Variants in MBD5 observed in about 807,000 individuals in gnomAD.
MBD5 encodes the protein methyl-CpG-binding domain protein 5.
A neutral mutation model predicts 117.3 loss-of-function variants in MBD5; 13 were observed. The observed-to-expected ratio is 0.11, with a 90% CI of 0.07 to 0.18. The LOEUF is 0.18. MBD5 is among the 10% of genes least tolerant of loss of function. The pLI is 1.00. For missense variants in MBD5, 1,879 were observed against 2,093.8 expected (o/e 0.90, Z 2.00); for synonymous variants, 727 against 766.4 (o/e 0.95, Z 0.85).
intron 4 of MBD5, among the ~76,000 whole-genome samples, chr2:148,457,811 A>G (rs576816093): frequency 7.3e-4 from 111 of 152,318 alleles, no homozygotes; most frequent in African/African-American, 2.7e-3. Flanking sequence ...GTTATATAAT[A>G]TTAAGGACTT....
chr2:148,415,698 T>C (rs1389605971), intron 4 of MBD5, among the ~76,000 whole-genome samples: 6 of 152,210 alleles, frequency 3.9e-5, no homozygotes, highest in Admixed American at 6.5e-5. Context: ...GACTGAGTTA[T>C]TTCGCAGAAC....
intron 13 of MBD5, among the ~76,000 whole-genome samples, chr2:148,511,102 G>A (rs1682200541): frequency 6.6e-6 from 1 of 152,148 alleles, no homozygotes; most frequent in Admixed American, 6.6e-5. Context: ...CCACACCAGG[G>A]CACAGATTCT....
At chr2:148,186,666 A>G (rs1698667430) in intron 2 of MBD5, among the ~76,000 whole-genome samples, 1 of 152,226 alleles carries the variant, frequency 6.6e-6, no homozygotes. Flanking sequence ...TTTTCCTTAT[A>G]GTTTTTAACC....
intron 7 of MBD5, among the ~76,000 whole-genome samples, chr2:148,466,579 G>A (rs1707266755): frequency 6.6e-6 from 1 of 152,096 alleles, no homozygotes; most frequent in Non-Finnish European, 1.5e-5. Flanking sequence ...TGACGTTAAT[G>A]TTCTCACTAT....
chr2:148,396,008 G>T (rs1416875591), intron 4 of MBD5, among the ~76,000 whole-genome samples: 1 of 151,980 alleles, frequency 6.6e-6, no homozygotes, highest in Non-Finnish European at 1.5e-5. Context: ...TTTTGATGTT[G>T]TTTTTTTCTA....
chr2:148,307,709 G>A (rs999910295), intron 3 of MBD5, among the ~76,000 whole-genome samples: 1 of 152,060 alleles, frequency 6.6e-6, no homozygotes, highest in South Asian at 2.1e-4. Flanking sequence ...TATTATATAG[G>A]TATACACATG....
chr2:148,154,618 G>A (rs1278034692), intron 1 of MBD5, among the ~76,000 whole-genome samples: 8 of 152,200 alleles, frequency 5.3e-5, no homozygotes, highest in East Asian at 3.9e-4. Flanking sequence ...AGCCAGGTGC[G>A]GGATATAATC....
intron 3 of MBD5, among the ~76,000 whole-genome samples, chr2:148,276,345 T>C (rs981518588): frequency 6.6e-6 from 1 of 152,112 alleles, no homozygotes; most frequent in Non-Finnish European, 1.5e-5. Flanking sequence ...AATAGAACTT[T>C]ATTTAGAAAA....
chr2:148,455,020 C>T (rs891682874), intron 4 of MBD5, among the ~76,000 whole-genome samples: 1 of 152,026 alleles, frequency 6.6e-6, no homozygotes, highest in African/African-American at 2.4e-5. Context: ...TGTATCCTCG[C>T]CTATTTCTTT....
chr2:148,293,097 T>G (rs896097504), intron 3 of MBD5, among the ~76,000 whole-genome samples: 1 of 148,126 alleles, frequency 6.8e-6, no homozygotes, highest in South Asian at 2.1e-4. Context: ...GTGGATCACT[T>G]GAGCCCAGGA....
At chr2:148,173,781 A>C (rs1698319577) in intron 1 of MBD5, among the ~76,000 whole-genome samples, 1 of 152,238 alleles carries the variant, frequency 6.6e-6, no homozygotes, top group African/African-American at 2.4e-5. Context: ...TGATGAAAGA[A>C]ATTGAAGAAG....
At chr2:148,257,074 G>C (rs1700609013) in intron 3 of MBD5, among the ~76,000 whole-genome samples, 3 of 152,198 alleles carry the variant, frequency 2.0e-5, no homozygotes, top group Admixed American at 6.5e-5. Flanking sequence ...GCTGCTAGCT[G>C]TTTCTCTATC....
intron 4 of MBD5, among the ~76,000 whole-genome samples, chr2:148,388,162 C>T (rs1221727991): frequency 6.6e-6 from 1 of 152,034 alleles, no homozygotes; most frequent in Non-Finnish European, 1.5e-5. Flanking sequence ...TTGTGATTAC[C>T]TAAATATGTG....
intron 2 of MBD5, among the ~76,000 whole-genome samples, chr2:148,189,451 G>T (rs1698774559): frequency 6.9e-6 from 1 of 144,828 alleles, no homozygotes; most frequent in African/African-American, 2.6e-5. Flanking sequence ...CCTGACCCGT[G>T]ACCCCCGAGC....
chr2:148,218,920 CT>C (rs1246838626), intron 2 of MBD5, among the ~76,000 whole-genome samples: 4 of 152,234 alleles, frequency 2.6e-5, no homozygotes, highest in East Asian at 3.9e-4. Context: ...CTAATGTAGA[CT>C]TTATAAATAA....
At chr2:148,051,604 AGTGTGTGTGTGT>A (rs59584574) in intron 1 of MBD5, among the ~76,000 whole-genome samples, 3,749 of 139,216 alleles carry the variant, frequency 0.027, 102 homozygotes, top group African/African-American at 0.065. Flanking sequence ...CTGTTTGTTG[AGTGTGTGTGTGT>A]GTGTGTGTGT....
At chr2:148,258,077 A>G (rs1700632440) in intron 3 of MBD5, among the ~76,000 whole-genome samples, 1 of 152,068 alleles carries the variant, frequency 6.6e-6, no homozygotes, top group South Asian at 2.1e-4. Flanking sequence ...TTATCTCTGT[A>G]TGTCCATCTG....
intron 12 of MBD5, among the ~76,000 whole-genome samples, chr2:148,509,540 C>A (rs989433649): frequency 6.6e-6 from 1 of 152,204 alleles, no homozygotes; most frequent in Non-Finnish European, 1.5e-5. Flanking sequence ...TAAGCTGTTT[C>A]CCACCCCGGA....
At chr2:148,499,955 C>A (rs1681822619) in intron 11 of MBD5, among the ~76,000 whole-genome samples, 1 of 152,118 alleles carries the variant, frequency 6.6e-6, no homozygotes, top group South Asian at 2.1e-4. Flanking sequence ...TATGTATGAT[C>A]TTGTTATAGC....
Sources: allele counts gnomAD v4.1 joint callset (sites outside exome capture counted in the v4.1 genomes callset), GRCh38; gene constraint gnomAD v4.1.1; transcripts MANE v1.5; gene names NCBI Gene and HGNC (gene_info 2026-07-23, HGNC 2026-07-21).